The following GSK3B variants were observed in gnomAD, a reference collection of about 807,000 sequenced individuals.
GSK3B encodes the protein glycogen synthase kinase-3 beta.
Under a neutral mutation model 56.4 loss-of-function variants are expected in GSK3B, and 15 were observed. The ratio of observed to expected loss-of-function variants is 0.27; its 90% CI spans 0.18 to 0.41. The LOEUF (loss-of-function observed/expected upper bound fraction) is 0.41, where lower values mean the gene tolerates loss of function less well. Among genes scored for constraint, GSK3B ranks in the 10% least tolerant of loss-of-function variants. The pLI is 1.00. For missense variants in GSK3B, 300 were observed against 513.4 expected (o/e 0.58, Z 4.02); for synonymous variants, 181 against 188.9 (o/e 0.96, Z 0.34).
intron 2 of GSK3B, among the ~76,000 whole-genome samples, chr3:119,992,241 C>T (rs1000028023): frequency 2.6e-5 from 4 of 151,922 alleles, no homozygotes; most frequent in South Asian, 2.1e-4. Context: ...ATAATCAAAA[C>T]GGTATAGTAG....
intron 2 of GSK3B, among the ~76,000 whole-genome samples, chr3:119,999,619 T>C (rs2057656220): frequency 6.6e-6 from 1 of 152,206 alleles, no homozygotes; most frequent in Non-Finnish European, 1.5e-5. Context: ...ATAAAAAATA[T>C]GGAATTTCCT....
chr3:119,993,665 T>C (rs1413279051), intron 2 of GSK3B, among the ~76,000 whole-genome samples: 3 of 152,176 alleles, frequency 2.0e-5, no homozygotes, highest in Non-Finnish European at 4.4e-5. Flanking sequence ...GTTTTCTCAG[T>C]TCAGAAAGAG....
intron 2 of GSK3B, among the ~76,000 whole-genome samples, chr3:119,996,794 G>GAACA (rs1466896914): frequency 6.6e-6 from 1 of 151,876 alleles, no homozygotes; most frequent in Admixed American, 6.6e-5. Flanking sequence ...AAGAAAGGTA[G>GAACA]AACAGCTGGT....
rs562867275 is a variant in GSK3B at position 119,822,492 on chromosome 3, T to A, written c.*4296A>T. ...TCTACTTTGTCAAGCTAACCCCTTA[T>A]GTACTGGTTGTCATTTTGCTTTTAT... On this transcript the variant is annotated 3_prime_UTR_variant, in exon 11 of 11. Coordinates refer to ENST00000264235, the MANE Select transcript of GSK3B (RefSeq NM_001146156.2). 3 of 225,888 alleles carry A rather than the reference T, an allele frequency of 1.3e-5. No homozygotes were observed. Among genetic ancestry groups the A allele is most frequent in the African/African-American group, 4.4e-5 (2 of 45,048 alleles). The allele number at this position is 225,888 out of a possible 1,614,324, so 14.0% of individuals were successfully genotyped here.
At position 119,912,693 on chromosome 3, in the gene GSK3B, T is replaced by G. The variant is rs1482776860; in HGVS notation, c.715+11A>C. 7 of 1,194,254 alleles carry G rather than the reference T, an allele frequency of 5.9e-6. No individual in the cohort carries two copies. The highest frequency in any genetic ancestry group is 8.6e-6 in the Non-Finnish European group (7 of 810,770). The allele number at this position is 1,194,254 out of a possible 1,614,324, so 74.0% of individuals were successfully genotyped here. On this transcript the variant is annotated intron_variant, in intron 6 of 10. Coordinates refer to ENST00000264235, the MANE Select transcript of GSK3B (RefSeq NM_001146156.2). ...AATAATTATGAGCATTATATTCAGA[T>G]TTGTACTTACCTATACTAGAGGTAT...
At chr3:120,070,439 T>A (rs911439865) in intron 1 of GSK3B, among the ~76,000 whole-genome samples, 3 of 152,058 alleles carry the variant, frequency 2.0e-5, no homozygotes, top group African/African-American at 7.2e-5. Flanking sequence ...GAAAGGTAGT[T>A]ACTATCACCA....
intron 9 of GSK3B, among the ~76,000 whole-genome samples, chr3:119,851,774 C>G (rs2055933846): frequency 6.6e-6 from 1 of 152,160 alleles, no homozygotes. Flanking sequence ...CCTCTTATTA[C>G]ATATAATAAT....
chr3:119,833,852 C>T (rs1407980238), intron 10 of GSK3B, among the ~76,000 whole-genome samples: 1 of 151,832 alleles, frequency 6.6e-6, no homozygotes, highest in East Asian at 1.9e-4. Context: ...ACCACCATGC[C>T]TGGCTAAATT....
chr3:119,912,781 T>C lies in GSK3B; in HGVS notation c.638A>G (p.Asn213Ser), dbSNP rs1260622686. ...GTACCGAGAACAGATATACGAAACATTGGGTTCTCCTCGGACCAGCTGCTT... is the reference window on the plus strand; with the variant it reads ...GTACCGAGAACAGATATACGAAACACTGGGTTCTCCTCGGACCAGCTGCTT... Reference protein sequence around the residue: ...SAKQLVRGEPNVSYICSRYYR... With the variant: ...SAKQLVRGEPSVSYICSRYYR... The change falls in exon 6 of 11, where the codon AAT becomes AGT. Residue 213 changes from asparagine to serine, a missense_variant. This residue lies in a region of GSK3B where 39 missense variants were observed against 154.6 expected (regional missense o/e 0.25). Transcript: ENST00000264235. The C allele has an allele frequency of 2.5e-6, 4 of 1,599,430 alleles. No individual in the cohort carries two copies. The highest frequency in any genetic ancestry group is 1.7e-5 in the Admixed American group (1 of 59,876).
chr3:120,030,728 C>A (rs899405047), intron 1 of GSK3B, among the ~76,000 whole-genome samples: 1 of 152,208 alleles, frequency 6.6e-6, no homozygotes, highest in Non-Finnish European at 1.5e-5. Context: ...CTAGGACAAT[C>A]CAATCTAAAA....
intron 2 of GSK3B, among the ~76,000 whole-genome samples, chr3:119,965,459 G>A (rs1402751987): frequency 6.6e-6 from 1 of 151,340 alleles, no homozygotes; most frequent in Non-Finnish European, 1.5e-5. Flanking sequence ...CAATCCTCCC[G>A]CTTTGGCCTC....
chr3:119,957,949 ACTGATACGGTTTGGCTCCACGT>A (rs2057230524), intron 2 of GSK3B, among the ~76,000 whole-genome samples: 1 of 152,170 alleles, frequency 6.6e-6, no homozygotes, highest in Admixed American at 6.5e-5. Context: ...AAATAAAGAT[ACTGATACGGTTTGGCTCCACGT>A]CCCCACCCAA....
intron 9 of GSK3B, among the ~76,000 whole-genome samples, chr3:119,858,839 T>C (rs941250937): frequency 1.3e-5 from 2 of 152,142 alleles, no homozygotes; most frequent in Non-Finnish European, 2.9e-5. Context: ...ATGGCCTAAT[T>C]TCAATATTGT....
At chr3:120,082,248 C>G (rs559370816) in intron 1 of GSK3B, among the ~76,000 whole-genome samples, 20 of 152,092 alleles carry the variant, frequency 1.3e-4, no homozygotes, top group Non-Finnish European at 2.5e-4. Flanking sequence ...CCACACACAC[C>G]TTTTCTATTA....
chr3:120,033,700 T>A (rs955693852), intron 1 of GSK3B, among the ~76,000 whole-genome samples: 3 of 152,158 alleles, frequency 2.0e-5, no homozygotes, highest in Non-Finnish European at 2.9e-5. Context: ...GGGGACAGAC[T>A]TCCCCCTTGC....
At chr3:119,897,446 C>T (rs2056580282) in intron 7 of GSK3B, among the ~76,000 whole-genome samples, 2 of 151,880 alleles carry the variant, frequency 1.3e-5, no homozygotes, top group African/African-American at 2.4e-5. Flanking sequence ...CCACTTTCTA[C>T]AGGTGGTTAT....
At chr3:120,076,077 A>T (rs938791766) in intron 1 of GSK3B, among the ~76,000 whole-genome samples, 2 of 152,204 alleles carry the variant, frequency 1.3e-5, no homozygotes, top group Non-Finnish European at 2.9e-5. Flanking sequence ...CCAAACATAG[A>T]CCGTCAACTA....
At chr3:120,085,314 T>C (rs1285362250) in intron 1 of GSK3B, among the ~76,000 whole-genome samples, 5 of 152,144 alleles carry the variant, frequency 3.3e-5, no homozygotes, top group Admixed American at 1.3e-4. Flanking sequence ...GCTTCCCCCT[T>C]TCCTTCATAA....
chr3:120,067,442 C>T (rs1158492688), intron 1 of GSK3B, among the ~76,000 whole-genome samples: 2 of 152,154 alleles, frequency 1.3e-5, no homozygotes, highest in Non-Finnish European at 2.9e-5. Context: ...CATGATCCAA[C>T]ACTTAATTTA....
Sources: gnomAD v4.1 joint callset for allele counts (sites outside exome capture counted in the v4.1 genomes callset) on GRCh38, gnomAD v4.1.1 for gene constraint, gnomAD v4.1.1 regional missense constraint, MANE v1.5 for transcripts, NCBI Gene and HGNC (gene_info 2026-07-23, HGNC 2026-07-21) for gene names.